ASIP: variants seen among roughly 807,000 people sequenced by gnomAD.
ASIP encodes the protein agouti signaling protein.
In ASIP, 11 loss-of-function variants were observed where a neutral mutation model predicts 10.3. The ratio of observed to expected loss-of-function variants is 1.07; its 90% CI spans 0.68 to 1.78. The LOEUF is 1.78. Ranked by LOEUF, ASIP falls within the 40% of genes most tolerant of loss-of-function variation. The pLI is 0.00. For synonymous variants in ASIP, 70 were observed against 70.8 expected, an observed-to-expected ratio of 0.99 and a Z score of 0.06; for missense variants, 180 against 169.2, an observed-to-expected ratio of 1.06 and a Z score of -0.35.
intron 1 of ASIP, among the ~76,000 whole-genome samples, chr20:34,233,902 C>T (rs1172780533): frequency 2.0e-5 from 3 of 152,190 alleles, no homozygotes; most frequent in Non-Finnish European, 2.9e-5. Context: ...CACCAATTTA[C>T]CAGGAGCCAG....
chr20:34,216,217 GC>G (rs2035007423), intron 1 of ASIP, among the ~76,000 whole-genome samples: 2 of 152,328 alleles, frequency 1.3e-5, no homozygotes, highest in South Asian at 4.1e-4. Context: ...CGGGGTCAGC[GC>G]CCCAAGAAGG....
upstream of ASIP, among the ~76,000 whole-genome samples, chr20:34,239,103 C>T (rs1449998591): frequency 6.6e-6 from 1 of 152,184 alleles, no homozygotes; most frequent in Non-Finnish European, 1.5e-5. Context: ...TCTCTAGAAA[C>T]TTGATATCTT....
At chr20:34,252,337 C>A (rs994079809) in intron 1 of ASIP, among the ~76,000 whole-genome samples, 3 of 152,056 alleles carry the variant, frequency 2.0e-5, no homozygotes, top group Non-Finnish European at 4.4e-5. Flanking sequence ...AGCAGGGCAA[C>A]AGGTGGGGAG....
chr20:34,220,863 A>G (rs1428618431), intron 1 of ASIP, among the ~76,000 whole-genome samples: 1 of 151,192 alleles, frequency 6.6e-6, no homozygotes, highest in Admixed American at 6.6e-5. Context: ...CTCTCAGACT[A>G]TTAATCTTCC....
upstream of ASIP, among the ~76,000 whole-genome samples, chr20:34,239,870 C>T (rs1568758553): frequency 6.6e-6 from 1 of 152,194 alleles, no homozygotes; most frequent in Non-Finnish European, 1.5e-5. Context: ...TGCAGGGCCC[C>T]ATATTAACCT....
chr20:34,245,124 A>G (rs968258046), intron 1 of ASIP, among the ~76,000 whole-genome samples: 3 of 151,936 alleles, frequency 2.0e-5, no homozygotes, highest in African/African-American at 4.8e-5. Context: ...TCACGAGGTC[A>G]GGAGTTCGAG....
intron 1 of ASIP, among the ~76,000 whole-genome samples, chr20:34,209,218 G>A (rs569248093): frequency 1.8e-4 from 28 of 152,346 alleles, no homozygotes; most frequent in Admixed American, 7.8e-4. Context: ...GGTGGGAGCC[G>A]GCAACAAGTG....
chr20:34,194,304 T>G (rs985827134), upstream of ASIP, among the ~76,000 whole-genome samples: 1 of 152,280 alleles, frequency 6.6e-6, no homozygotes, highest in African/African-American at 2.4e-5. Flanking sequence ...TCTTTTCATC[T>G]TTTAATCTGG....
intron 1 of ASIP, among the ~76,000 whole-genome samples, chr20:34,244,989 C>A (rs577707258): frequency 6.6e-6 from 1 of 152,154 alleles, no homozygotes; most frequent in South Asian, 2.1e-4. Flanking sequence ...AAATAATCAA[C>A]AAAAATGCTC....
chr20:34,246,205 T>C (rs2035372111), intron 1 of ASIP: 1 of 1,438,396 alleles, frequency 7.0e-7, no homozygotes, highest in African/African-American at 1.4e-5. Context: ...TAGTAAGCTT[T>C]TGTGGTATGG....
At chr20:34,232,100 A>G (rs1008159962) in intron 1 of ASIP, among the ~76,000 whole-genome samples, 1 of 152,246 alleles carries the variant, frequency 6.6e-6, no homozygotes, top group African/African-American at 2.4e-5. Context: ...GAAGGTCTAC[A>G]CATGTGGTAA....
At chr20:34,206,297 C>T (rs973006331) in intron 1 of ASIP, among the ~76,000 whole-genome samples, 2 of 152,104 alleles carry the variant, frequency 1.3e-5, no homozygotes, top group Non-Finnish European at 2.9e-5. Context: ...CGCCCGGCCT[C>T]GAATTGTATT....
At chr20:34,201,064 T>C (rs866877758) in intron 1 of ASIP, among the ~76,000 whole-genome samples, 8 of 121,508 alleles carry the variant, frequency 6.6e-5, no homozygotes, top group East Asian at 2.6e-4. Context: ...TTCTTTCTTT[T>C]TTTTCCTCCA....
chr20:34,257,068 CTCTTTTT>C (rs1568767738), intron 1 of ASIP, among the ~76,000 whole-genome samples: 3 of 107,600 alleles, frequency 2.8e-5, no homozygotes, highest in South Asian at 2.6e-4. Context: ...CTCTTTCTTT[CTCTTTTT>C]TTTTTTTGTT....
At chr20:34,258,952 G>T (rs2035641169) in intron 1 of ASIP, among the ~76,000 whole-genome samples, 1 of 143,140 alleles carries the variant, frequency 7.0e-6, no homozygotes, top group East Asian at 2.0e-4. Context: ...CTGAGTGGTG[G>T]CTCACTTTGG....
intron 1 of ASIP, among the ~76,000 whole-genome samples, chr20:34,224,005 A>C (rs1475828892): frequency 8.3e-6 from 1 of 120,872 alleles, no homozygotes; most frequent in Non-Finnish European, 1.7e-5. Context: ...TTTGTTAAAC[A>C]GATGCTTGAA....
upstream of ASIP, among the ~76,000 whole-genome samples, chr20:34,193,600 T>C (rs1176413619): frequency 6.6e-6 from 1 of 152,210 alleles, no homozygotes; most frequent in African/African-American, 2.4e-5. Context: ...ATCTGAATTA[T>C]TGGAGAGTAC....
At position 34,235,889 on chromosome 20, in the gene ASIP, G is replaced by GCGGGAGGGAGGGAA. The variant is rs1289422318; in HGVS notation, c.-10-24476_-10-24475insCGGGAGGGAGGGAA. ...GGAAAGGAAGGAAGGAAGGAAGGAA[G>GCGGGAGGGAGGGAA]GAAGGAAGGAAAGGAAGGAAGGAAG... On this transcript the variant is annotated intron_variant, in intron 1 of 3. Coordinates refer to the ASIP transcript ENST00000568305. 3.0e-3 allele frequency among the ~76,000 whole-genome samples: 305 copies of GCGGGAGGGAGGGAA among 101,582 alleles called. 13 individuals are homozygous for GCGGGAGGGAGGGAA. The highest frequency in any genetic ancestry group is 6.4e-3 in the African/African-American group (125 of 19,470). The allele number at this position is 101,582 out of a possible 152,430, so 66.6% of individuals were successfully genotyped here.
upstream of ASIP, among the ~76,000 whole-genome samples, chr20:34,190,714 C>G (rs2034819668): frequency 6.6e-6 from 1 of 152,190 alleles, no homozygotes; most frequent in African/African-American, 2.4e-5. Flanking sequence ...GGAAGAAACA[C>G]ACACATCCCA....
Sources: allele counts gnomAD v4.1 joint callset (sites outside exome capture counted in the v4.1 genomes callset), GRCh38; gene constraint gnomAD v4.1.1; transcripts MANE v1.5; gene names NCBI Gene and HGNC (gene_info 2026-07-23, HGNC 2026-07-21).